Variants in NCALD observed in about 807,000 individuals in gnomAD.
NCALD encodes the protein neurocalcin-delta.
A neutral mutation model predicts 18.6 loss-of-function variants in NCALD; 10 were observed. That is an observed-to-expected ratio of 0.54 (90% CI 0.33 to 0.91). The LOEUF (loss-of-function observed/expected upper bound fraction) is 0.91, where lower values mean the gene tolerates loss of function less well. Ranked by LOEUF, NCALD falls within the 40% of genes least tolerant of loss-of-function variation. The pLI, the probability that NCALD is intolerant of heterozygous loss-of-function variation, is 0.03. For synonymous variants in NCALD, 88 were observed against 87.4 expected, an observed-to-expected ratio of 1.01 and a Z score of -0.04; for missense variants, 184 against 247.6, an observed-to-expected ratio of 0.74 and a Z score of 1.72.
At chr8:101,754,205 T>C (rs1810777548) in intron 1 of NCALD, among the ~76,000 whole-genome samples, 1 of 152,188 alleles carries the variant, frequency 6.6e-6, no homozygotes, top group African/African-American at 2.4e-5. Flanking sequence ...GGAATAATAA[T>C]TTTAGCTATC....
chr8:101,690,893 C>T (rs1436339603), intron 3 of NCALD: 14 of 985,236 alleles, frequency 1.4e-5, no homozygotes, highest in Non-Finnish European at 1.7e-5. Flanking sequence ...CTGGGAGGCA[C>T]CAGCTGGAGG....
chr8:101,937,685 C>T (rs75975795), intron 2 of NCALD, among the ~76,000 whole-genome samples: 2,322 of 152,264 alleles, frequency 0.015, 28 homozygotes, highest in Middle Eastern at 0.027. Flanking sequence ...TTTCTCATTT[C>T]TTATTCATTC....
intron 2 of NCALD, among the ~76,000 whole-genome samples, chr8:101,694,592 C>T (rs547350770): frequency 2.6e-4 from 39 of 152,212 alleles, no homozygotes; most frequent in Admixed American, 9.8e-4. Flanking sequence ...GGAGGTAAAG[C>T]GCAGAGTTAG....
At chr8:101,720,025 T>A (rs1816278972) in intron 1 of NCALD, among the ~76,000 whole-genome samples, 1 of 152,170 alleles carries the variant, frequency 6.6e-6, no homozygotes, top group East Asian at 1.9e-4. Context: ...TTAAGAAGGC[T>A]GGGGTTCTGA....
At chr8:101,720,261 C>T (rs532254067) in intron 1 of NCALD, among the ~76,000 whole-genome samples, 4 of 152,280 alleles carry the variant, frequency 2.6e-5, no homozygotes, top group African/African-American at 9.6e-5. Context: ...GAATAAATCA[C>T]TGACAATGTT....
chr8:101,848,735 A>G (rs478875), intron 4 of NCALD, among the ~76,000 whole-genome samples: 56,065 of 152,060 alleles, frequency 0.37, 12,913 homozygotes, highest in African/African-American at 0.65. Flanking sequence ...GTATCTAGTA[A>G]TAACAGAGAA....
chr8:101,886,920 G>C (rs577554032), intron 4 of NCALD, among the ~76,000 whole-genome samples: 97 of 150,736 alleles, frequency 6.4e-4, no homozygotes, highest in Non-Finnish European at 9.1e-4. Flanking sequence ...AAGAGAGCAG[G>C]ATTTTTTTTT....
intron 2 of NCALD, among the ~76,000 whole-genome samples, chr8:102,015,329 C>T (rs1046692256): frequency 1.1e-4 from 16 of 152,128 alleles, no homozygotes; most frequent in Non-Finnish European, 2.1e-4. Context: ...ACATTCCTGC[C>T]ATTGTAGCCA....
intron 1 of NCALD, among the ~76,000 whole-genome samples, chr8:101,759,859 T>C (rs747392741): frequency 6.6e-5 from 10 of 152,178 alleles, no homozygotes; most frequent in Non-Finnish European, 1.2e-4. Flanking sequence ...TAAGGGCACA[T>C]GGCAGGCTTA....
At chr8:102,038,217 C>T (rs530219028) in intron 1 of NCALD, among the ~76,000 whole-genome samples, 1 of 152,228 alleles carries the variant, frequency 6.6e-6, no homozygotes, top group East Asian at 1.9e-4. Flanking sequence ...ATTTACATTG[C>T]CCCTAGGAAA....
chr8:102,113,374 T>C (rs1161062511), intron 1 of NCALD, among the ~76,000 whole-genome samples: 2 of 152,174 alleles, frequency 1.3e-5, no homozygotes, highest in Non-Finnish European at 2.9e-5. Context: ...TATAAATAGG[T>C]ACCTAGTGTA....
chr8:101,820,908 CA>C (rs1813695268), intron 4 of NCALD, among the ~76,000 whole-genome samples: 1 of 152,156 alleles, frequency 6.6e-6, no homozygotes, highest in Non-Finnish European at 1.5e-5. Flanking sequence ...TTTGGGAAAG[CA>C]ATCAGAGAGC....
intron 3 of NCALD, among the ~76,000 whole-genome samples, chr8:101,913,817 C>T (rs944661681): frequency 2.0e-5 from 3 of 152,238 alleles, no homozygotes; most frequent in South Asian, 2.1e-4. Context: ...CCCAACCTCA[C>T]GTGATCTGCC....
intron 3 of NCALD, among the ~76,000 whole-genome samples, chr8:101,897,361 T>A (rs1817231156): frequency 1.6e-5 from 2 of 127,774 alleles, no homozygotes; most frequent in African/African-American, 3.0e-5. Flanking sequence ...CTCTGGGGAC[T>A]GTGGTGGGGT....
rs561456817 is a variant in NCALD at position 101,690,934 on chromosome 8, C to G, written c.485-1528G>C. The G allele has an allele frequency of 1.5e-5, 15 of 985,426 alleles. No individual in the cohort carries two copies. The Admixed American group carries it at 8.0e-4, about 52-fold the overall frequency. 61.0% of individuals were successfully genotyped at this position (985,426 alleles called of 1,614,324 possible). A position where few individuals can be genotyped will look rare whatever the true frequency, so the allele number is the denominator to read the frequency against. On this transcript the variant is annotated intron_variant, in intron 3 of 3. Coordinates refer to ENST00000220931, the MANE Select transcript of NCALD (RefSeq NM_032041.3). ...GGGGCAGACCTGGAGCTCGGCATGA[C>G]GTCTGGCTTTCTTCACTTAACTGTC...
At chr8:101,917,791 T>C (rs56922204) in intron 2 of NCALD, among the ~76,000 whole-genome samples, 1,785 of 152,094 alleles carry the variant, frequency 0.012, 41 homozygotes, top group African/African-American at 0.041. Context: ...TTGAAACCCT[T>C]AGCAGACCAA....
At chr8:102,114,089 G>A (rs11987112) in intron 1 of NCALD, among the ~76,000 whole-genome samples, 3 of 152,318 alleles carry the variant, frequency 2.0e-5, no homozygotes, top group Admixed American at 6.5e-5. Flanking sequence ...ACGTGATCTC[G>A]CTTCATGCTC....
At chr8:101,856,225 G>A (rs1207020079) in intron 4 of NCALD, among the ~76,000 whole-genome samples, 2 of 152,298 alleles carry the variant, frequency 1.3e-5, no homozygotes, top group South Asian at 2.1e-4. Flanking sequence ...AGGCTGGAGT[G>A]CAATGGTGTA....
At chr8:102,097,072 C>T (rs942322160) in intron 1 of NCALD, among the ~76,000 whole-genome samples, 14 of 152,164 alleles carry the variant, frequency 9.2e-5, no homozygotes, top group Non-Finnish European at 2.1e-4. Context: ...AATACAATTA[C>T]AGCCCTGAAA....
Sources: gnomAD v4.1 joint callset for allele counts (sites outside exome capture counted in the v4.1 genomes callset) on GRCh38, gnomAD v4.1.1 for gene constraint, MANE v1.5 for transcripts, NCBI Gene and HGNC (gene_info 2026-07-23, HGNC 2026-07-21) for gene names.